Variants in SLFN11 observed in about 807,000 individuals in gnomAD.
SLFN11 encodes the protein schlafen family member 11.
SLFN11 carries 43 observed loss-of-function variants against 53.4 expected under a neutral mutation model. That is an observed-to-expected ratio of 0.80 (90% CI 0.63 to 1.04). The LOEUF is 1.04. Among genes scored for constraint, SLFN11 ranks in the 50% least tolerant of loss-of-function variants. The pLI is 0.00. For missense variants in SLFN11, 990 were observed against 1,079.1 expected, an observed-to-expected ratio of 0.92 and a Z score of 1.16; for synonymous variants, 389 against 394.7, an observed-to-expected ratio of 0.99 and a Z score of 0.17.
chr17:35,362,488 G>A (rs1233426449), intron 4 of SLFN11, among the ~76,000 whole-genome samples: 1 of 152,062 alleles, frequency 6.6e-6, no homozygotes, highest in Admixed American at 6.5e-5. Context: ...CCATTGCAAG[G>A]GTGGCCATTC....
At chr17:35,364,808 G>T (rs1476492141) in intron 3 of SLFN11, among the ~76,000 whole-genome samples, 11 of 152,042 alleles carry the variant, frequency 7.2e-5, no homozygotes, top group Admixed American at 3.3e-4. Context: ...GTTTAGTAAA[G>T]GAATCTATAT....
intron 5 of SLFN11, among the ~76,000 whole-genome samples, chr17:35,358,584 C>T (rs1907815637): frequency 6.6e-6 from 1 of 151,546 alleles, no homozygotes; most frequent in Non-Finnish European, 1.5e-5. Context: ...CTATAGGTTA[C>T]TATTTTATTG....
chr17:35,351,996 C>T lies in SLFN11; in HGVS notation c.*360G>A. The T allele has an allele frequency of 4.4e-6, 1 of 224,896 alleles. No homozygotes were observed. 13.9% of individuals were successfully genotyped at this position (224,896 alleles called of 1,614,324 possible). A position where few individuals can be genotyped will look rare whatever the true frequency, so the allele number is the denominator to read the frequency against. On this transcript the variant is annotated 3_prime_UTR_variant, in exon 7 of 7. Transcript: ENST00000685675. ...TTAAAAGCAACAAACTGCATGAAGT[C>T]ACTTAAAAAAAGAAGCCCAGCCTTG...
chr17:35,357,999 T>C (rs1311365157), intron 5 of SLFN11, among the ~76,000 whole-genome samples: 1 of 148,504 alleles, frequency 6.7e-6, no homozygotes, highest in Non-Finnish European at 1.5e-5. Context: ...CTTGCTCATT[T>C]AGTTTTTATG....
intron 6 of SLFN11, 97 bp from the exon 7 acceptor site, chr17:35,353,236 G>A: frequency 1.9e-6 from 3 of 1,598,968 alleles, no homozygotes; most frequent in Non-Finnish European, 2.6e-6. Context: ...CATTACCACA[G>A]ATCATTTTAC....
At chr17:35,361,627 C>T (rs1261570440) in intron 4 of SLFN11, among the ~76,000 whole-genome samples, 1 of 152,026 alleles carries the variant, frequency 6.6e-6, no homozygotes, top group Non-Finnish European at 1.5e-5. Context: ...ATGCTTGGCC[C>T]TGAGCTACTT....
intron 5 of SLFN11, among the ~76,000 whole-genome samples, chr17:35,359,748 C>G (rs1379661806): frequency 1.3e-5 from 2 of 152,138 alleles, no homozygotes; most frequent in African/African-American, 4.8e-5. Flanking sequence ...ACAACCACCA[C>G]TCCCGTGGAA....
At position 35,363,719 on chromosome 17, in the gene SLFN11, T is replaced by C; in HGVS notation, c.89A>G (p.Asn30Ser). ...NVGEVTLGEE[N>S]RKKLQKIQRD... ...CTGAATTTTCTGCAGCTTTTTTCTGTTTTCTTCTCCAAGAGTCACTTCTCC... is the reference window on the plus strand; with the variant it reads ...CTGAATTTTCTGCAGCTTTTTTCTGCTTTCTTCTCCAAGAGTCACTTCTCC... The change falls in exon 4 of 7, where the codon AAC becomes AGC. Residue 30 changes from asparagine (N) to serine (S), a missense_variant. Transcript: ENST00000685675. The C allele has an allele frequency of 6.2e-7, 1 of 1,613,956 alleles. No homozygotes were observed.
intron 3 of SLFN11, among the ~76,000 whole-genome samples, chr17:35,365,327 T>C (rs1195997276): frequency 6.6e-6 from 1 of 152,170 alleles, no homozygotes; most frequent in Non-Finnish European, 1.5e-5. Context: ...GGTCTCACTC[T>C]GTCATCCAGG....
chr17:35,353,623 C>A lies in SLFN11; in HGVS notation c.1635G>T (p.Gln545His), dbSNP rs1305607740. ...GGGACTGCAGCAGGGCTTCCATGTG[C>A]TGGGTGCCTGCAAGGCTATAGGACG... ...YPASYSLAGT[Q>H]HMEALLQSLV... is the part of the protein sequence containing the mutation. Residue 545 changes from glutamine to histidine, a missense_variant, in exon 6 of 7, where the codon CAG becomes CAT. This residue lies in a region of SLFN11 where 156 missense variants were observed against 241.9 expected (regional missense o/e 0.64). Coordinates refer to ENST00000685675, the MANE Select transcript of SLFN11 (RefSeq NM_001376007.1). 1.8e-5 allele frequency: 20 copies of A among 1,131,248 alleles called. No homozygotes were observed. The highest frequency in any genetic ancestry group is 6.1e-4 in the Middle Eastern group (2 of 3,302). 70.1% of individuals were successfully genotyped at this position (1,131,248 alleles called of 1,614,324 possible). A position where few individuals can be genotyped will look rare whatever the true frequency, so the allele number is the denominator to read the frequency against.
chr17:35,359,092 C>T (rs959038784), intron 5 of SLFN11, among the ~76,000 whole-genome samples: 2 of 151,948 alleles, frequency 1.3e-5, no homozygotes, highest in African/African-American at 4.8e-5. Context: ...GTAAAAAATG[C>T]CTATTTTTCA....
intron 1 of SLFN11, among the ~76,000 whole-genome samples, chr17:35,368,050 TG>T (rs1439196367): frequency 6.6e-6 from 1 of 151,968 alleles, no homozygotes; most frequent in Non-Finnish European, 1.5e-5. Flanking sequence ...CCCTAAAAGG[TG>T]AGGAATTAGC....
In SLFN11 at chr17:35,352,181, T is replaced by C; in HGVS notation, c.*175A>G. On this transcript the variant is annotated 3_prime_UTR_variant, in exon 7 of 7. Transcript: ENST00000685675. ...GGTCAGAATGGGGGGCAGCCACCGC[T>C]GCTGAAAGGGTTGGGGAAGGAACCC... The C allele has an allele frequency of 1.6e-6, 1 of 606,446 alleles. No individual in the cohort carries two copies. 37.6% of individuals were successfully genotyped at this position (606,446 alleles called of 1,614,324 possible).
Position 35,353,784 on chromosome 17 carries a change from A to G in SLFN11, c.1474T>C (p.Phe492Leu), listed in dbSNP as rs200387434. The G allele has an allele frequency of 5.0e-4, 783 of 1,560,700 alleles. 6 individuals carry two copies. The East Asian group carries it at 0.013, about 25-fold the overall frequency. Residue 492 changes from phenylalanine to leucine, a missense_variant, in exon 6 of 7, where the codon TTT becomes CTT. Coordinates refer to ENST00000685675, the MANE Select transcript of SLFN11 (RefSeq NM_001376007.1). Reference sequence around the variant, plus strand: ...TTCACTAGCTTCTGCTTCAAAGTAAAGGCGGTGCGAGTGCAGTAGTCCTGG... The same window carrying G: ...TTCACTAGCTTCTGCTTCAAAGTAAGGGCGGTGCGAGTGCAGTAGTCCTGG... The part of the protein sequence containing the change: ...EGQDYCTRTA[F>L]TLKQKLVNMG...
chr17:35,355,164 G>C (rs1372682941), intron 5 of SLFN11, among the ~76,000 whole-genome samples: 1 of 152,092 alleles, frequency 6.6e-6, no homozygotes, highest in East Asian at 1.9e-4. Flanking sequence ...GAATTTGCAT[G>C]TATCTCTGGT....
chr17:35,357,765 A>G (rs890340467), intron 5 of SLFN11, among the ~76,000 whole-genome samples: 1 of 145,446 alleles, frequency 6.9e-6, no homozygotes, highest in African/African-American at 2.5e-5. Context: ...ATATAAATAT[A>G]TAATATATAA....
At chr17:35,368,251 C>A (rs1316956954) in intron 1 of SLFN11, among the ~76,000 whole-genome samples, 2 of 152,056 alleles carry the variant, frequency 1.3e-5, no homozygotes, top group Admixed American at 1.3e-4. Context: ...CAGAACAAGA[C>A]GGTGTAATAG....
intron 1 of SLFN11, among the ~76,000 whole-genome samples, chr17:35,370,513 T>C (rs1909510185): frequency 6.6e-6 from 1 of 151,962 alleles, no homozygotes; most frequent in Non-Finnish European, 1.5e-5. Flanking sequence ...GGCATCTAAA[T>C]TGGAAAGGAA....
rs898941876 is a variant in SLFN11, at chr17:35,363,470, C to T, written c.338G>A (p.Gly113Asp). 10 of 1,613,824 alleles carry T rather than the reference C, an allele frequency of 6.2e-6. No homozygotes were observed. The highest frequency in any genetic ancestry group is 8.5e-6 in the Non-Finnish European group (10 of 1,179,982). Residue 113 changes from glycine to aspartate, a missense_variant, in exon 4 of 7, where the codon GGC (glycine) becomes GAC (aspartate). Gly to Asp is a moderately conservative substitution (Grantham distance 94). This residue lies in a region of SLFN11 where 521 missense variants were observed against 516.2 expected (regional missense o/e 1.01). Coordinates refer to ENST00000685675, the MANE Select transcript of SLFN11 (RefSeq NM_001376007.1). ...GACAGAGCGATCTTCAGGGAAAGGG[C>T]CACTGCTCCAAGATTTAACAAAAAT... The part of the protein sequence containing the change: ...FYIFVKSWSS[G>D]PFPEDRSVKP...
Sources: gnomAD v4.1 joint callset for allele counts (sites outside exome capture counted in the v4.1 genomes callset) on GRCh38, gnomAD v4.1.1 for gene constraint, gnomAD v4.1.1 regional missense constraint, MANE v1.5 for transcripts, NCBI Gene and HGNC (gene_info 2026-07-23, HGNC 2026-07-21) for gene names.